Variants in PCDH15 observed in about 807,000 individuals in gnomAD.
PCDH15 encodes protocadherin-15.
PCDH15 carries 129 observed loss-of-function variants against 178.5 expected under a neutral mutation model. The observed-to-expected ratio is 0.72, with a 90% confidence interval of 0.63 to 0.84. PCDH15 has a LOEUF of 0.84. PCDH15 is among the 40% of genes least tolerant of loss of function. The pLI is 0.00. For synonymous variants in PCDH15, 800 were observed against 732.0 expected (o/e 1.09, Z -1.50); for missense variants, 2,230 against 2,099.9 (o/e 1.06, Z -1.21).
At chr10:54,494,629 T>C (rs1391745956) in intron 3 of PCDH15, among the ~76,000 whole-genome samples, 1 of 152,116 alleles carries the variant, frequency 6.6e-6, no homozygotes, top group Admixed American at 6.6e-5. Context: ...CATATAACCT[T>C]ACCTACTTCT....
chr10:54,633,392 GA>G (rs1776060347), intron 2 of PCDH15, among the ~76,000 whole-genome samples: 2 of 152,036 alleles, frequency 1.3e-5, no homozygotes, highest in South Asian at 4.1e-4. Context: ...TAATCATTTA[GA>G]AAGGAGATTT....
chr10:55,345,675 G>C (rs1035804597), intron 2 of PCDH15, among the ~76,000 whole-genome samples: 31 of 103,414 alleles, frequency 3.0e-4, no homozygotes, highest in African/African-American at 1.3e-4. Context: ...CTTGTGTTGT[G>C]TGATACTTTT....
chr10:54,398,241 T>G (rs1951493253), intron 3 of PCDH15, among the ~76,000 whole-genome samples: 1 of 151,908 alleles, frequency 6.6e-6, no homozygotes. Context: ...TAAAAAAAAA[T>G]TAGTCTTAAT....
intron 2 of PCDH15, among the ~76,000 whole-genome samples, chr10:55,122,673 G>A (rs967667870): frequency 2.6e-5 from 4 of 152,102 alleles, no homozygotes; most frequent in East Asian, 1.9e-4. Context: ...GAGATGTTGT[G>A]TGTTAAAATT....
chr10:55,614,543 G>C (rs1391530743), intron 2 of PCDH15, among the ~76,000 whole-genome samples: 1 of 152,104 alleles, frequency 6.6e-6, no homozygotes. Flanking sequence ...AGTATTTTCT[G>C]TTATAACAGA....
At chr10:54,350,646 A>G (rs1472659094) in intron 5 of PCDH15, among the ~76,000 whole-genome samples, 1 of 152,244 alleles carries the variant, frequency 6.6e-6, no homozygotes, top group Non-Finnish European at 1.5e-5. Flanking sequence ...CCAGATGCAA[A>G]AAAGCAGAAG....
chr10:53,826,968 T>C (rs2076720467), intron 32 of PCDH15, among the ~76,000 whole-genome samples: 1 of 152,052 alleles, frequency 6.6e-6, no homozygotes, highest in Non-Finnish European at 1.5e-5. Context: ...TCGGTTTGGA[T>C]ACCTAATCAG....
intron 1 of PCDH15, among the ~76,000 whole-genome samples, chr10:54,761,403 T>TG (rs770664312): frequency 8.6e-5 from 13 of 152,032 alleles, no homozygotes; most frequent in Non-Finnish European, 1.9e-4. Flanking sequence ...GGTAAGTAGC[T>TG]GGGCGCAGTG....
intron 13 of PCDH15, among the ~76,000 whole-genome samples, chr10:54,172,496 G>T (rs115326669): frequency 6.6e-6 from 1 of 152,000 alleles, no homozygotes; most frequent in Non-Finnish European, 1.5e-5. Context: ...CTCTTCACGC[G>T]CATGAAAATA....
chr10:54,920,345 C>T (rs578043967), intron 2 of PCDH15, among the ~76,000 whole-genome samples: 1 of 151,750 alleles, frequency 6.6e-6, no homozygotes, highest in Non-Finnish European at 1.5e-5. Context: ...TGGCGGGCAC[C>T]TGTAGTCCCA....
intron 2 of PCDH15, among the ~76,000 whole-genome samples, chr10:54,558,575 G>A (rs1325548144): frequency 6.6e-6 from 1 of 151,982 alleles, no homozygotes; most frequent in Non-Finnish European, 1.5e-5. Context: ...CTGAAACATT[G>A]CTATATCATT....
At chr10:55,497,119 T>C (rs187306183) in intron 2 of PCDH15, among the ~76,000 whole-genome samples, 51 of 151,872 alleles carry the variant, frequency 3.4e-4, no homozygotes, top group Admixed American at 9.2e-4. Flanking sequence ...AATATCAGAA[T>C]ACATCATTTT....
intron 2 of PCDH15, among the ~76,000 whole-genome samples, chr10:55,050,162 G>A (rs1302119669): frequency 6.6e-6 from 1 of 151,906 alleles, no homozygotes; most frequent in Non-Finnish European, 1.5e-5. Context: ...TGGATGTATT[G>A]TTTAACCCAT....
intron 1 of PCDH15, among the ~76,000 whole-genome samples, chr10:54,678,998 G>A (rs900775985): frequency 7.2e-5 from 11 of 151,730 alleles, no homozygotes; most frequent in Non-Finnish European, 1.5e-5. Context: ...AGACCATCTT[G>A]GCTAACACGG....
At chr10:55,071,173 C>T (rs1037556914) in intron 2 of PCDH15, among the ~76,000 whole-genome samples, 7 of 152,064 alleles carry the variant, frequency 4.6e-5, no homozygotes, top group African/African-American at 1.2e-4. Context: ...ATCGAGGCTA[C>T]GAAGAAACTG....
intron 8 of PCDH15, among the ~76,000 whole-genome samples, chr10:54,314,394 A>C (rs1186233768): frequency 6.6e-6 from 1 of 151,718 alleles, no homozygotes; most frequent in African/African-American, 2.4e-5. Flanking sequence ...CTCTTGTAGA[A>C]ATTTTAAAAG....
intron 2 of PCDH15, among the ~76,000 whole-genome samples, chr10:55,072,554 G>C (rs1268040238): frequency 6.6e-6 from 1 of 152,068 alleles, no homozygotes; most frequent in East Asian, 1.9e-4. Flanking sequence ...CCAGGAAGAA[G>C]TTGAATCTCT....
At chr10:54,165,891 A>G (rs1424026278) in intron 13 of PCDH15, among the ~76,000 whole-genome samples, 1 of 152,230 alleles carries the variant, frequency 6.6e-6, no homozygotes, top group African/African-American at 2.4e-5. Context: ...ACTTCTGTCA[A>G]ACAGAAGGTG....
intron 10 of PCDH15, among the ~76,000 whole-genome samples, chr10:54,209,687 A>G (rs1198805320): frequency 1.3e-5 from 2 of 152,144 alleles, no homozygotes; most frequent in Non-Finnish European, 2.9e-5. Flanking sequence ...CGTAGGCATC[A>G]GAAGTAAAAT....
Sources: allele counts gnomAD v4.1 joint callset (sites outside exome capture counted in the v4.1 genomes callset), GRCh38; gene constraint gnomAD v4.1.1; transcripts MANE v1.5; gene names NCBI Gene and HGNC (gene_info 2026-07-23, HGNC 2026-07-21).